NRXN1: variants seen among roughly 807,000 people sequenced by gnomAD.
The protein encoded by NRXN1 is neurexin 1.
NRXN1 carries 39 observed loss-of-function variants against 150.9 expected under a neutral mutation model. The ratio of observed to expected loss-of-function variants is 0.26; its 90% confidence interval spans 0.20 to 0.34. The LOEUF is 0.34. Among genes scored for constraint, NRXN1 ranks in the 10% least tolerant of loss-of-function variants. NRXN1 has a pLI of 1.00. For synonymous variants in NRXN1, 924 were observed against 757.0 expected, an observed-to-expected ratio of 1.22 and a Z score of -3.62; for missense variants, 1,815 against 1,949.9, an observed-to-expected ratio of 0.93 and a Z score of 1.30.
chr2:50,537,653 G>C (rs187155068), intron 10 of NRXN1, among the ~76,000 whole-genome samples: 1 of 152,310 alleles, frequency 6.6e-6, no homozygotes, highest in East Asian at 1.9e-4. Context: ...TCTGCAGTTG[G>C]TTAGGTCCTA....
At chr2:50,435,812 G>A (rs765399712) in intron 17 of NRXN1, among the ~76,000 whole-genome samples, 2 of 152,194 alleles carry the variant, frequency 1.3e-5, no homozygotes, top group South Asian at 2.1e-4. Flanking sequence ...GAGGGTGGAG[G>A]GAAGGAGGAG....
intron 5 of NRXN1, among the ~76,000 whole-genome samples, chr2:50,900,125 G>T (rs982378390): frequency 2.0e-5 from 3 of 152,128 alleles, no homozygotes; most frequent in Non-Finnish European, 2.9e-5. Context: ...ACAAATAAAA[G>T]AAATAATATC....
intron 17 of NRXN1, among the ~76,000 whole-genome samples, chr2:50,318,669 T>C (rs1388029991): frequency 6.6e-6 from 1 of 151,742 alleles, no homozygotes; most frequent in Admixed American, 6.6e-5. Context: ...AATGAAGGAA[T>C]AAAACTACTA....
intron 17 of NRXN1, among the ~76,000 whole-genome samples, chr2:50,274,637 G>A (rs1001459242): frequency 6.6e-6 from 1 of 152,118 alleles, no homozygotes; most frequent in Non-Finnish European, 1.5e-5. Flanking sequence ...TGTAAAAATA[G>A]ACATCACTTT....
intron 21 of NRXN1, among the ~76,000 whole-genome samples, chr2:50,018,889 G>A (rs566128269): frequency 6.6e-6 from 1 of 152,162 alleles, no homozygotes; most frequent in Non-Finnish European, 1.5e-5. Context: ...CTTTCATATC[G>A]ATCTCAGAAT....
At chr2:50,097,959 G>A (rs1016587797) in intron 18 of NRXN1, among the ~76,000 whole-genome samples, 1 of 152,014 alleles carries the variant, frequency 6.6e-6, no homozygotes, top group South Asian at 2.1e-4. Context: ...ATTTCTAAGT[G>A]AATTACTTAG....
chr2:50,764,767 T>C (rs1277284606), intron 5 of NRXN1, among the ~76,000 whole-genome samples: 1 of 151,958 alleles, frequency 6.6e-6, no homozygotes, highest in African/African-American at 2.4e-5. Context: ...GGATCATGAA[T>C]GTGAAAATCA....
intron 21 of NRXN1, among the ~76,000 whole-genome samples, chr2:50,039,904 C>T (rs1310163364): frequency 6.6e-6 from 1 of 152,138 alleles, no homozygotes; most frequent in Non-Finnish European, 1.5e-5. Context: ...ATCCACTTGA[C>T]CTTGATCCTA....
chr2:50,819,280 T>A (rs1669370085), intron 5 of NRXN1, among the ~76,000 whole-genome samples: 1 of 152,184 alleles, frequency 6.6e-6, no homozygotes, highest in African/African-American at 2.4e-5. Context: ...AGAAACAACC[T>A]GTGTCCATTG....
intron 17 of NRXN1, among the ~76,000 whole-genome samples, chr2:50,268,354 C>G (rs2069143379): frequency 6.6e-6 from 1 of 152,098 alleles, no homozygotes; most frequent in African/African-American, 2.4e-5. Context: ...CTTAAGTACA[C>G]AAATATATGC....
At chr2:50,560,908 A>T (rs1668978480) in intron 8 of NRXN1, among the ~76,000 whole-genome samples, 1 of 152,218 alleles carries the variant, frequency 6.6e-6, no homozygotes, top group Non-Finnish European at 1.5e-5. Flanking sequence ...CTGTTATAAA[A>T]TGGAAATCAA....
intron 17 of NRXN1, among the ~76,000 whole-genome samples, chr2:50,328,671 G>A (rs965673513): frequency 1.3e-5 from 2 of 152,138 alleles, no homozygotes; most frequent in Admixed American, 1.3e-4. Context: ...AGGAGGCAGA[G>A]GTTGCAGTGA....
intron 18 of NRXN1, among the ~76,000 whole-genome samples, chr2:50,214,949 C>A (rs561995606): frequency 6.6e-6 from 1 of 152,086 alleles, no homozygotes; most frequent in African/African-American, 2.4e-5. Context: ...ATCTCTAGGA[C>A]TCAGCTCACT....
chr2:50,145,828 T>G (rs985116632), intron 18 of NRXN1, among the ~76,000 whole-genome samples: 1 of 151,644 alleles, frequency 6.6e-6, no homozygotes, highest in Non-Finnish European at 1.5e-5. Context: ...GGCAGATGAT[T>G]TTTTTTGCAT....
chr2:50,101,806 A>G (rs1322098713), intron 18 of NRXN1, among the ~76,000 whole-genome samples: 4 of 152,020 alleles, frequency 2.6e-5, no homozygotes, highest in African/African-American at 9.7e-5. Context: ...CAACCTAAAA[A>G]CAAGAGTGAG....
chr2:50,917,496 G>C (rs564700251), intron 5 of NRXN1: 1 of 151,842 alleles, frequency 6.6e-6, no homozygotes, highest in East Asian at 1.9e-4. Flanking sequence ...TGTGTGATCT[G>C]AATGTTGTAT....
At chr2:50,839,015 A>G (rs1382575933) in intron 5 of NRXN1, among the ~76,000 whole-genome samples, 1 of 152,102 alleles carries the variant, frequency 6.6e-6, no homozygotes. Flanking sequence ...TAGAATCAAG[A>G]GCCTGGTTTT....
intron 5 of NRXN1, among the ~76,000 whole-genome samples, chr2:50,741,756 A>G (rs1046794214): frequency 6.6e-6 from 1 of 152,150 alleles, no homozygotes; most frequent in East Asian, 1.9e-4. Context: ...GAATAAAATG[A>G]CAATTCCAGA....
intron 17 of NRXN1, among the ~76,000 whole-genome samples, chr2:50,245,157 G>T (rs1019398762): frequency 4.6e-5 from 7 of 151,892 alleles, no homozygotes; most frequent in Non-Finnish European, 7.4e-5. Context: ...GAACAGTTGA[G>T]TTCAATAGTT....
Sources: allele counts gnomAD v4.1 joint callset (sites outside exome capture counted in the v4.1 genomes callset), GRCh38; gene constraint gnomAD v4.1.1; transcripts MANE v1.5; gene names NCBI Gene and HGNC (gene_info 2026-07-23, HGNC 2026-07-21).